KIAA0232: variants seen among roughly 807,000 people sequenced by gnomAD.
KIAA0232 encodes KIAA0232.
KIAA0232 carries 27 observed loss-of-function variants against 122.0 expected under a neutral mutation model. That is an observed-to-expected ratio of 0.22 (90% CI 0.16 to 0.31). The LOEUF is 0.31. Among genes scored for constraint, KIAA0232 ranks in the 10% least tolerant of loss-of-function variants. The pLI, the probability that KIAA0232 is intolerant of heterozygous loss-of-function variation, is 1.00. For missense variants in KIAA0232, 1,551 were observed against 1,634.2 expected (o/e 0.95, Z 0.88); for synonymous variants, 613 against 587.6 (o/e 1.04, Z -0.63).
intron 3 of KIAA0232, among the ~76,000 whole-genome samples, chr4:6,827,348 T>A (rs1718745931): frequency 1.3e-5 from 2 of 152,198 alleles, no homozygotes; most frequent in South Asian, 4.1e-4. Flanking sequence ...ATGGTTCTCT[T>A]CTAGCAAGAG....
chr4:6,785,372 G>A lies in KIAA0232; in HGVS notation c.-354+2531G>A, dbSNP rs183286315. On this transcript the variant is annotated intron_variant, in intron 1 of 9. Transcript: ENST00000307659. ...TCTTTATTTTTCATTGTGTGGAAAA[G>A]TGCTGAGCCTGCGCTTTGTCCTTGT... Among the ~76,000 whole-genome samples the A allele has an allele frequency of 1.8e-3, 268 of 152,328 alleles. 2 individuals are homozygous for A. The highest frequency in any genetic ancestry group is 0.01 in the Middle Eastern group (3 of 294).
chr4:6,783,783 T>C (rs1271596375), intron 1 of KIAA0232, among the ~76,000 whole-genome samples: 1 of 152,106 alleles, frequency 6.6e-6, no homozygotes, highest in African/African-American at 2.4e-5. Context: ...CCCACAGTCA[T>C]CCGTGCGCTG....
chr4:6,827,340 G>A (rs1718745115), intron 3 of KIAA0232, among the ~76,000 whole-genome samples: 2 of 152,182 alleles, frequency 1.3e-5, no homozygotes, highest in East Asian at 1.9e-4. Flanking sequence ...AGACAAGGAT[G>A]GTTCTCTTCT....
At chr4:6,871,522 C>T in intron 7 of KIAA0232, 52 bp from the exon 8 acceptor site, 1 of 1,029,438 alleles carries the variant, frequency 9.7e-7, no homozygotes, top group East Asian at 2.4e-5. Context: ...AATATTCTTC[C>T]TCTAACCTGA....
rs565947614 is a variant in KIAA0232 at position 6,833,875 on chromosome 4, T to G, written c.232-8192T>G. Among the ~76,000 whole-genome samples the G allele has an allele frequency of 4.0e-4, 61 of 152,280 alleles. 1 individual carries two copies. The South Asian group carries it at 0.011, about 26-fold the overall frequency. On this transcript the variant is annotated intron_variant, in intron 3 of 9. Coordinates refer to ENST00000307659, the MANE Select transcript of KIAA0232 (RefSeq NM_014743.3). ...ACCAAAAGTTCCTTTAATACCACCTTGACTTTTATCCCAAGTGACTTTCAG... is the reference window on the plus strand; with the variant it reads ...ACCAAAAGTTCCTTTAATACCACCTGGACTTTTATCCCAAGTGACTTTCAG...
chr4:6,850,763 T>C (rs954545104), intron 4 of KIAA0232, among the ~76,000 whole-genome samples: 7 of 151,984 alleles, frequency 4.6e-5, no homozygotes, highest in African/African-American at 1.4e-4. Context: ...CTCTGCCTCC[T>C]GGGTTCAAGC....
chr4:6,857,037 T>C (rs1035252023), intron 4 of KIAA0232, 127 bp from the exon 5 acceptor site: 2 of 571,446 alleles, frequency 3.5e-6, no homozygotes, highest in Middle Eastern at 4.3e-4. Context: ...TTCACGTAAA[T>C]ATTGGTAAGA....
At chr4:6,877,289 T>C (rs1019703458) in intron 9 of KIAA0232, among the ~76,000 whole-genome samples, 6 of 152,214 alleles carry the variant, frequency 3.9e-5, no homozygotes, top group African/African-American at 1.2e-4. Flanking sequence ...CGTTTCTGCA[T>C]GTCTGCCTCT....
In KIAA0232 at chr4:6,881,926, A is replaced by ATG. The variant is rs1375949910; in HGVS notation, c.*962_*963dup. On this transcript the variant is annotated 3_prime_UTR_variant, in exon 10 of 10. Coordinates refer to ENST00000307659, the MANE Select transcript of KIAA0232 (RefSeq NM_014743.3). ...TGCAGCTAGCCGCTTCTTGGCTGTG[A>ATG]TGTAGTATAGCTTCGATCTCATTTT... The ATG allele has an allele frequency of 6.6e-6, 1 of 152,630 alleles. No individual in the cohort carries two copies. Among genetic ancestry groups the ATG allele is most frequent in the African/African-American group, 2.4e-5 (1 of 41,442 alleles). 9.5% of individuals were successfully genotyped at this position (152,630 alleles called of 1,614,324 possible).
Position 6,862,869 on chromosome 4 carries a change from G to A in KIAA0232, c.2487G>A (p.Trp829Ter). 6.2e-7 allele frequency: 1 copy of A among 1,614,202 alleles called. No individual in the cohort carries two copies. The highest frequency in any genetic ancestry group is 8.5e-7 in the Non-Finnish European group (1 of 1,180,030). Residue 829 changes from tryptophan to a stop codon, truncating the protein, a stop_gained, in exon 7 of 10, where the codon TGG becomes TGA. Transcript: ENST00000307659. LOFTEE classifies it high-confidence loss of function. ...GCTCAGGGGTTATTAAAGACATTTG[G>A]ACAAAGATGGCAGACACAAATTCTG... is the stretch of plus-strand genomic sequence containing the variant. ...GYSSGVIKDI[W>*]TKMADTNSVA...
chr4:6,834,450 A>G (rs1254086447), intron 3 of KIAA0232, among the ~76,000 whole-genome samples: 1 of 152,188 alleles, frequency 6.6e-6, no homozygotes, highest in Non-Finnish European at 1.5e-5. Flanking sequence ...TCAAATAGTT[A>G]TTTTCCTATT....
intron 9 of KIAA0232, 23 bp from the exon 10 acceptor site, chr4:6,880,764 G>T (rs1290953566): frequency 6.7e-7 from 1 of 1,483,678 alleles, no homozygotes; most frequent in East Asian, 2.5e-5. Context: ...TTTTTGATGT[G>T]TTGAAAATTG....
Position 6,866,596 on chromosome 4 carries a change from A to T in KIAA0232, c.3801+2413A>T, listed in dbSNP as rs1457313913. 2.0e-5 allele frequency among the ~76,000 whole-genome samples: 3 copies of T among 152,184 alleles called. No individual in the cohort carries two copies. In the East Asian group the frequency reaches 5.8e-4, roughly 29 times the overall value. On this transcript the variant is annotated intron_variant, in intron 7 of 9. Coordinates refer to ENST00000307659, the MANE Select transcript of KIAA0232 (RefSeq NM_014743.3). The stretch of plus-strand genomic sequence containing the variant: ...TCCGGCCCTTTTCCTGAGTCAGTAC[A>T]GTCTTTTCAGGAAGCAATCTGGGAG...
chr4:6,872,045 C>G (rs188487872), intron 8 of KIAA0232, among the ~76,000 whole-genome samples: 42 of 152,264 alleles, frequency 2.8e-4, no homozygotes, highest in African/African-American at 7.7e-4. Flanking sequence ...CTCCATGGCT[C>G]AGCTGAGTTG....
At chr4:6,814,378 TG>T (rs1055795109) in intron 2 of KIAA0232, among the ~76,000 whole-genome samples, 27 of 151,786 alleles carry the variant, frequency 1.8e-4, no homozygotes, top group Middle Eastern at 3.2e-3. Context: ...CATAGTTGGT[TG>T]TTTTTTTTTT....
intron 1 of KIAA0232, among the ~76,000 whole-genome samples, chr4:6,799,515 G>T (rs1158851436): frequency 1.3e-5 from 2 of 151,670 alleles, no homozygotes; most frequent in African/African-American, 4.9e-5. Context: ...CAGAGGAATT[G>T]GGATAAAACA....
At chr4:6,869,701 G>A (rs1189250539) in intron 7 of KIAA0232, among the ~76,000 whole-genome samples, 2 of 152,184 alleles carry the variant, frequency 1.3e-5, no homozygotes, top group South Asian at 2.1e-4. Context: ...GAGTGTTTCC[G>A]AAAAGTTAAG....
chr4:6,790,764 A>T (rs920610259), intron 1 of KIAA0232, among the ~76,000 whole-genome samples: 2 of 152,088 alleles, frequency 1.3e-5, no homozygotes, highest in Admixed American at 1.3e-4. Flanking sequence ...AGAAAGTTGA[A>T]ATAGAGTAGA....
intron 1 of KIAA0232, among the ~76,000 whole-genome samples, chr4:6,784,225 C>T (rs1716505922): frequency 1.3e-5 from 2 of 151,722 alleles, no homozygotes; most frequent in South Asian, 4.2e-4. Context: ...GTTCAAGTTC[C>T]TAAGAAGGGA....
Sources: gnomAD v4.1 joint callset for allele counts (sites outside exome capture counted in the v4.1 genomes callset) on GRCh38, gnomAD v4.1.1 for gene constraint, MANE v1.5 for transcripts, NCBI Gene and HGNC (gene_info 2026-07-23, HGNC 2026-07-21) for gene names.